The following ZNF670 variants were observed in gnomAD, a reference collection of about 807,000 sequenced individuals.
ZNF670 encodes the protein zinc finger protein 670.
A neutral mutation model predicts 10.9 loss-of-function variants in ZNF670; 7 were observed. The ratio of observed to expected loss-of-function variants is 0.64; its 90% CI spans 0.36 to 1.20. The LOEUF is 1.20. Ranked by LOEUF, ZNF670 falls within the 50% of genes most tolerant of loss-of-function variation. ZNF670 has a pLI of 0.02. For synonymous variants in ZNF670, 136 were observed against 152.7 expected (o/e 0.89, Z 0.81); for missense variants, 446 against 458.6 (o/e 0.97, Z 0.25).
chr1:247,059,402 C>T (rs1027975142), intron 1 of ZNF670, among the ~76,000 whole-genome samples: 22 of 151,794 alleles, frequency 1.4e-4, no homozygotes, highest in South Asian at 4.2e-4. Context: ...GCTGAGATCG[C>T]GCCACTGCAC....
At chr1:247,047,876 C>T (rs1464639796) in intron 1 of ZNF670, among the ~76,000 whole-genome samples, 2 of 152,002 alleles carry the variant, frequency 1.3e-5, no homozygotes, top group African/African-American at 4.8e-5. Context: ...GCAGCAAGGC[C>T]CTGGGTCCCG....
At chr1:247,072,758 G>A (rs1474238597) in intron 1 of ZNF670, among the ~76,000 whole-genome samples, 1 of 140,452 alleles carries the variant, frequency 7.1e-6, no homozygotes, top group African/African-American at 2.6e-5. Context: ...TTACACTCCA[G>A]CCTGGGCGAC....
At chr1:247,067,435 C>CCA (rs1487488030) in intron 1 of ZNF670, among the ~76,000 whole-genome samples, 5,125 of 77,218 alleles carry the variant, frequency 0.066, 278 homozygotes, top group African/African-American at 0.17. Flanking sequence ...GATCCCGTCT[C>CCA]AAAAAAAAAA....
chr1:247,038,485 A>G, intron 3 of ZNF670, 58 bp from the exon 4 acceptor site: 2 of 1,494,176 alleles, frequency 1.3e-6, no homozygotes, highest in Middle Eastern at 2.1e-4. Flanking sequence ...CATTGCTACT[A>G]ATACCATGGA....
At chr1:247,063,047 G>C (rs1239725754) in intron 1 of ZNF670, among the ~76,000 whole-genome samples, 2 of 152,182 alleles carry the variant, frequency 1.3e-5, no homozygotes, top group Non-Finnish European at 2.9e-5. Context: ...TCTGCGCTTA[G>C]GTAAAATAAA....
intron 1 of ZNF670, among the ~76,000 whole-genome samples, chr1:247,048,748 C>T (rs980564519): frequency 3.3e-5 from 5 of 152,130 alleles, no homozygotes; most frequent in African/African-American, 1.2e-4. Context: ...AAGCAAGGCA[C>T]CTTCTTCACA....
Position 247,037,746 on chromosome 1 carries a change from T to G in ZNF670, c.873A>C (p.Arg291Ser), listed in dbSNP as rs760582002. The G allele has an allele frequency of 3.1e-6, 5 of 1,613,950 alleles. No individual in the cohort carries two copies. Among genetic ancestry groups the G allele is most frequent in the Non-Finnish European group, 3.4e-6 (4 of 1,179,938 alleles). Residue 291 changes from arginine to serine, a missense_variant, in exon 4 of 4, where the codon AGA becomes AGC. Transcript: ENST00000366503. Reference protein sequence around the residue: ...YECIKCGKAFRCSRVLRVHER... With the variant: ...YECIKCGKAFSCSRVLRVHER... ...CATGGACTCTGAGGACTCTGGAACA[T>G]CTAAAGGCTTTGCCACATTTTATAC...
At chr1:247,065,706 T>A (rs563059381) in intron 1 of ZNF670, among the ~76,000 whole-genome samples, 1 of 152,286 alleles carries the variant, frequency 6.6e-6, no homozygotes, top group African/African-American at 2.4e-5. Flanking sequence ...CATAGAAAAT[T>A]ACCACACAGG....
chr1:247,043,513 G>A, intron 1 of ZNF670: 1 of 656,984 alleles, frequency 1.5e-6, no homozygotes, highest in Non-Finnish European at 2.7e-6. Flanking sequence ...GCTGGGATAA[G>A]ATTTTAGCCC....
At chr1:247,043,991 ACTT>A (rs1670380289) in intron 1 of ZNF670, 2 of 200,254 alleles carry the variant, frequency 1.0e-5, no homozygotes, top group Non-Finnish European at 2.0e-5. Flanking sequence ...GAAAAAGAGA[ACTT>A]CTTAAGAAGA....
intron 3 of ZNF670, 60 bp downstream of exon 3, chr1:247,038,750 A>G: frequency 6.9e-7 from 1 of 1,447,520 alleles, no homozygotes; most frequent in Non-Finnish European, 9.5e-7. Context: ...CTGTTTTAAA[A>G]ACTTATGACA....
chr1:247,059,850 T>C (rs1434939261), intron 1 of ZNF670, among the ~76,000 whole-genome samples: 2 of 152,218 alleles, frequency 1.3e-5, no homozygotes, highest in Non-Finnish European at 2.9e-5. Context: ...AGCCAATTAT[T>C]TTTCTGTATA....
chr1:247,043,743 T>A (rs1316804349), intron 1 of ZNF670: 3 of 408,906 alleles, frequency 7.3e-6, no homozygotes, highest in East Asian at 5.9e-5. Flanking sequence ...TTAGCGTTCA[T>A]CCTAAAACAG....
intron 1 of ZNF670, among the ~76,000 whole-genome samples, chr1:247,065,587 G>A (rs116045571): frequency 0.013 from 1,993 of 152,290 alleles, 39 homozygotes; most frequent in African/African-American, 0.045. Context: ...AAATAAAGTG[G>A]AATAGCGTGC....
intron 1 of ZNF670, among the ~76,000 whole-genome samples, chr1:247,077,217 C>T (rs923782808): frequency 2.0e-5 from 3 of 152,140 alleles, no homozygotes; most frequent in Admixed American, 2.0e-4. Context: ...GTTTTTTAAA[C>T]GAAGAGTATA....
At chr1:247,055,831 A>AT (rs1375367125) in intron 1 of ZNF670, among the ~76,000 whole-genome samples, 1 of 152,236 alleles carries the variant, frequency 6.6e-6, no homozygotes, top group Non-Finnish European at 1.5e-5. Context: ...AGGATATTCC[A>AT]TATCAATAGA....
chr1:247,077,667 A>C (rs187021393), intron 1 of ZNF670, among the ~76,000 whole-genome samples: 66 of 152,346 alleles, frequency 4.3e-4, no homozygotes, highest in African/African-American at 1.5e-3. Context: ...AAAGACAAAT[A>C]CTTGATAATG....
At chr1:247,060,442 A>G (rs1670832355) in intron 1 of ZNF670, among the ~76,000 whole-genome samples, 1 of 152,250 alleles carries the variant, frequency 6.6e-6, no homozygotes, top group Admixed American at 6.5e-5. Context: ...ACACCTTGCA[A>G]CAGTCACAGA....
rs1372301163 is a variant in ZNF670 at position 247,038,272 on chromosome 1, G to A, written c.347C>T (p.Ser116Leu). The A allele has an allele frequency of 1.9e-6, 3 of 1,614,064 alleles. No individual in the cohort carries two copies. Among genetic ancestry groups the A allele is most frequent in the South Asian group, 2.2e-5 (2 of 91,090 alleles). Residue 116 changes from serine to leucine, a missense_variant, in exon 4 of 4, where the codon TCA becomes TTA. Coordinates refer to ENST00000366503, the MANE Select transcript of ZNF670 (RefSeq NM_033213.5). The stretch of plus-strand genomic sequence containing the variant: ...AGACAGGATGTGCCTATGAAGGGCT[G>A]AATGACATATGAAGACTTTTCCACA... ...SVCGKVFICH[S>L]ALHRHILSHI... is the part of the protein sequence containing the mutation.
Sources: allele counts gnomAD v4.1 joint callset (sites outside exome capture counted in the v4.1 genomes callset), GRCh38; gene constraint gnomAD v4.1.1; transcripts MANE v1.5; gene names NCBI Gene and HGNC (gene_info 2026-07-23, HGNC 2026-07-21).